The following KIAA1217 variants were observed in gnomAD, a reference collection of about 807,000 sequenced individuals.
The protein encoded by KIAA1217 is sickle tail protein homolog.
KIAA1217 carries 88 observed loss-of-function variants against 163.9 expected under a neutral mutation model. The observed-to-expected ratio is 0.54, with a 90% CI of 0.45 to 0.64. The LOEUF (loss-of-function observed/expected upper bound fraction) is 0.64. Among genes scored for constraint, KIAA1217 ranks in the 30% least tolerant of loss-of-function variants. KIAA1217 has a pLI of 0.00. For missense variants in KIAA1217, 2,372 were observed against 2,475.0 expected (o/e 0.96, Z 0.88); for synonymous variants, 903 against 923.1 (o/e 0.98, Z 0.39).
Position 24,302,949 on chromosome 10 carries a change from A to G in KIAA1217, c.355-77920A>G, listed in dbSNP as rs773584216. On this transcript the variant is annotated intron_variant, in intron 2 of 20. Coordinates refer to ENST00000376454, the MANE Select transcript of KIAA1217 (RefSeq NM_019590.5). ...GTGGGACATAGTCAAGGTCAAGGTC[A>G]TGTAGGGTCTTAACAGGCTGTAGTA... Among the ~76,000 whole-genome samples, 56 of 152,190 alleles carry G rather than the reference A, an allele frequency of 3.7e-4. 1 individual carries two copies. The highest frequency in any genetic ancestry group is 1.2e-4 in the Non-Finnish European group (8 of 68,024).
At chr10:23,907,733 G>A (rs1301786679) in intron 1 of KIAA1217, among the ~76,000 whole-genome samples, 5 of 152,082 alleles carry the variant, frequency 3.3e-5, no homozygotes, top group African/African-American at 1.2e-4. Flanking sequence ...AATGTCTTCT[G>A]AAACACCCTC....
chr10:24,261,524 C>A (rs1312945292), intron 2 of KIAA1217, among the ~76,000 whole-genome samples: 1 of 149,242 alleles, frequency 6.7e-6, no homozygotes, highest in African/African-American at 2.5e-5. Context: ...AGCATTTAAT[C>A]TGGTGCTGAG....
At chr10:24,312,627 C>T (rs2042854174) in intron 2 of KIAA1217, among the ~76,000 whole-genome samples, 1 of 150,358 alleles carries the variant, frequency 6.7e-6, no homozygotes, top group African/African-American at 2.4e-5. Flanking sequence ...CAAAACCAAA[C>T]AAAAAAAAGG....
At chr10:24,092,187 T>A (rs2061961468) in intron 2 of KIAA1217, among the ~76,000 whole-genome samples, 1 of 151,624 alleles carries the variant, frequency 6.6e-6, no homozygotes. Flanking sequence ...TCATGCCACC[T>A]CCAACCACAT....
chr10:23,703,283 AGAGAGACACTTT>A lies in KIAA1217; in HGVS notation c.-321+8053_-321+8064del, dbSNP rs767348595. 5.3e-5 allele frequency among the ~76,000 whole-genome samples: 8 copies of A among 152,274 alleles called. No individual in the cohort carries two copies. In the South Asian group the frequency reaches 1.5e-3, roughly 28 times the overall value. ...GTGTGGGAGTGGTGGAGGGAGGATC[AGAGAGACACTTT>A]GAGTCTGAAGTTTCTTTTCTTTGCA... On this transcript the variant is annotated intron_variant, in intron 1 of 18. Transcript: ENST00000376462.
At chr10:24,154,914 G>A (rs1204432806) in intron 2 of KIAA1217, among the ~76,000 whole-genome samples, 6 of 147,668 alleles carry the variant, frequency 4.1e-5, no homozygotes, top group Non-Finnish European at 1.5e-5. Flanking sequence ...GCAACAGAGT[G>A]AGACTCCATG....
In KIAA1217 at chr10:24,458,674, T is replaced by C. The variant is rs11014096; in HGVS notation, c.847-14554T>C. Among the ~76,000 whole-genome samples the C allele has an allele frequency of 4.7e-3, 720 of 152,320 alleles. 16 individuals carry two copies. In the South Asian group the frequency reaches 0.051, roughly 11 times the overall value. ...TTCATCTGTGAAATGGGAATTATAATGTATCTAATGGGAATGAGATGAGAA... is the reference window on the plus strand; with the variant it reads ...TTCATCTGTGAAATGGGAATTATAACGTATCTAATGGGAATGAGATGAGAA... On this transcript the variant is annotated intron_variant, in intron 5 of 20. Coordinates refer to ENST00000376454, the MANE Select transcript of KIAA1217 (RefSeq NM_019590.5).
At chr10:24,250,438 A>AT (rs2074344776) in intron 2 of KIAA1217, among the ~76,000 whole-genome samples, 1 of 63,128 alleles carries the variant, frequency 1.6e-5, no homozygotes, top group African/African-American at 6.1e-5. Context: ...CACATTTGGC[A>AT]CTTTTTTTTT....
At chr10:24,388,603 A>G (rs1454749128) in intron 3 of KIAA1217, among the ~76,000 whole-genome samples, 4 of 152,146 alleles carry the variant, frequency 2.6e-5, no homozygotes, top group African/African-American at 4.8e-5. Flanking sequence ...AAAAGAAACT[A>G]CCATCAGAGT....
chr10:23,990,506 T>C (rs1564592238), intron 1 of KIAA1217, among the ~76,000 whole-genome samples: 1 of 152,224 alleles, frequency 6.6e-6, no homozygotes, highest in African/African-American at 2.4e-5. Context: ...CACACCCTTC[T>C]CCTAATTCAG....
intron 1 of KIAA1217, among the ~76,000 whole-genome samples, chr10:23,993,478 A>G (rs1846312822): frequency 6.6e-6 from 1 of 150,934 alleles, no homozygotes; most frequent in African/African-American, 2.4e-5. Flanking sequence ...CAGAAGCTCC[A>G]TGGAAGATAT....
chr10:24,055,287 A>G (rs1235272536), intron 2 of KIAA1217, among the ~76,000 whole-genome samples: 1 of 152,038 alleles, frequency 6.6e-6, no homozygotes, highest in Non-Finnish European at 1.5e-5. Context: ...AAGAAAAAGA[A>G]TTTTCTTGGA....
chr10:24,397,023 G>A (rs529781005), intron 3 of KIAA1217, among the ~76,000 whole-genome samples: 2 of 151,794 alleles, frequency 1.3e-5, no homozygotes, highest in South Asian at 4.2e-4. Flanking sequence ...TCTGGGTTCT[G>A]TAGATGCTTT....
At chr10:24,400,041 A>T (rs1390003005) in intron 3 of KIAA1217, among the ~76,000 whole-genome samples, 1 of 152,226 alleles carries the variant, frequency 6.6e-6, no homozygotes, top group Admixed American at 6.5e-5. Context: ...GAACAGATAG[A>T]TGGACTAATC....
chr10:24,475,850 C>T (rs775382872), intron 6 of KIAA1217, among the ~76,000 whole-genome samples: 14 of 152,170 alleles, frequency 9.2e-5, no homozygotes, highest in Non-Finnish European at 7.3e-5. Flanking sequence ...GATAACACAC[C>T]TGTCCCCTTT....
rs147958939 is a variant in KIAA1217 at position 23,972,270 on chromosome 10, G to A, written c.-320-34955G>A. 1.6e-4 allele frequency among the ~76,000 whole-genome samples: 24 copies of A among 152,258 alleles called. No individual in the cohort carries two copies. The East Asian group carries it at 4.6e-3, about 29-fold the overall frequency. On this transcript the variant is annotated intron_variant, in intron 1 of 18. Coordinates refer to the KIAA1217 transcript ENST00000376462. ...AGCAATCCCATTACTGGGTATATAC[G>A]CAAAGAAATATAAATCATTCTACTA...
At chr10:24,488,351 A>G (rs938573469) in intron 6 of KIAA1217, among the ~76,000 whole-genome samples, 2 of 152,166 alleles carry the variant, frequency 1.3e-5, no homozygotes, top group African/African-American at 4.8e-5. Context: ...GGGATGAGAT[A>G]GTCAAGAATT....
At chr10:23,868,800 A>G (rs150482092) in intron 1 of KIAA1217, among the ~76,000 whole-genome samples, 6 of 152,260 alleles carry the variant, frequency 3.9e-5, no homozygotes, top group African/African-American at 7.2e-5. Flanking sequence ...AGCTAATACA[A>G]TGTTATCACT....
At chr10:24,538,732 G>GGTTTT (rs1554943297) in intron 17 of KIAA1217, among the ~76,000 whole-genome samples, 1 of 87,770 alleles carries the variant, frequency 1.1e-5, no homozygotes, top group African/African-American at 4.4e-5. Context: ...ATTGTTTTTG[G>GGTTTT]TTTTTTTTTT....
Sources: allele counts gnomAD v4.1 joint callset (sites outside exome capture counted in the v4.1 genomes callset), GRCh38; gene constraint gnomAD v4.1.1; transcripts MANE v1.5; gene names NCBI Gene and HGNC (gene_info 2026-07-23, HGNC 2026-07-21).